Variants in TTN observed in about 807,000 individuals in gnomAD.
TTN encodes the protein titin.
In TTN, 1,525 loss-of-function variants were observed where a neutral mutation model predicts 3,223.0. The ratio of observed to expected loss-of-function variants is 0.47; its 90% CI spans 0.45 to 0.49. The LOEUF (loss-of-function observed/expected upper bound fraction) is 0.49, where lower values mean the gene tolerates loss of function less well. Ranked by LOEUF, TTN falls within the 20% of genes least tolerant of loss-of-function variation. The probability of loss-of-function intolerance (pLI) is 0.00; values close to 1 mark genes in which losing one functional copy is unlikely to be tolerated. For synonymous variants in TTN, 14,094 were observed against 15,161.0 expected (o/e 0.93, Z 5.17); for missense variants, 40,786 against 43,424.0 (o/e 0.94, Z 5.40).
At chr2:178,755,945 C>T (rs147103268) in intron 46 of TTN, among the ~76,000 whole-genome samples, 6 of 152,198 alleles carry the variant, frequency 3.9e-5, no homozygotes, top group Admixed American at 1.3e-4. Context: ...CTTGGTAGTG[C>T]GTTGGTAAAT....
chr2:178,652,826 G>C, intron 200 of TTN, 22 bp downstream of exon 200: 2 of 1,609,262 alleles, frequency 1.2e-6, no homozygotes, highest in Non-Finnish European at 1.7e-6. Context: ...ATCTTCTGAA[G>C]CCTAAAGCCA....
intron 321 of TTN, among the ~76,000 whole-genome samples, 163 bp downstream of exon 321, chr2:178,578,448 G>C (rs1190439192): frequency 6.6e-6 from 1 of 151,714 alleles, no homozygotes; most frequent in Non-Finnish European, 1.5e-5. Flanking sequence ...ATTACATTAG[G>C]ATATTTTCAA....
chr2:178,553,154 T>A lies in TTN; in HGVS notation c.89746A>T (p.Asn29916Tyr), dbSNP rs1308602245. The A allele has an allele frequency of 4.3e-6, 7 of 1,613,328 alleles. No homozygotes were observed. Among genetic ancestry groups the A allele is most frequent in the Non-Finnish European group, 5.9e-6 (7 of 1,179,356 alleles). Residue 29916 changes from asparagine to tyrosine, a missense_variant, in exon 335 of 363, where the codon AAT becomes TAT. Coordinates refer to ENST00000589042, the MANE Select transcript of TTN (RefSeq NM_001267550.2). ...DTGKYILTIE[N>Y]GVGEPKSSTV... Reference sequence around the variant, plus strand: ...GAAGACTTAGGTTCACCAACTCCATTTTCTATTGTGAGAATATATTTTCCT... The same window carrying A: ...GAAGACTTAGGTTCACCAACTCCATATTCTATTGTGAGAATATATTTTCCT...
intron 47 of TTN, among the ~76,000 whole-genome samples, chr2:178,752,250 T>G (rs1185448506): frequency 6.6e-6 from 1 of 152,046 alleles, no homozygotes; most frequent in Non-Finnish European, 1.5e-5. Flanking sequence ...TGTCTGGTCT[T>G]TTCTTCAAAC....
intron 250 of TTN, 123 bp from the exon 251 acceptor site, chr2:178,618,976 T>C (rs2057826154): frequency 1.5e-6 from 2 of 1,343,260 alleles, no homozygotes; most frequent in Admixed American, 2.8e-5. Flanking sequence ...ACAGTAACTT[T>C]ATAGCAGAGA....
rs985842925 is a variant in TTN, at chr2:178,574,872, C to G, written c.71260G>C (p.Asp23754His). 4 of 1,612,838 alleles carry G rather than the reference C, an allele frequency of 2.5e-6. No homozygotes were observed. Among genetic ancestry groups the G allele is most frequent in the Non-Finnish European group, 3.4e-6 (4 of 1,179,518 alleles). The part of the protein sequence containing the change: ...VTFSWDPPEN[D>H]GGVPISNYVV... ...TAGTTGCTTATTGGTACACCACCATCGTTCTCAGGTGGGTCCCAAGAGAAG... is the reference window on the plus strand; with the variant it reads ...TAGTTGCTTATTGGTACACCACCATGGTTCTCAGGTGGGTCCCAAGAGAAG... Residue 23754 changes from aspartate to histidine, a missense_variant, in exon 326 of 363, where the codon GAT becomes CAT. By Grantham distance (81) the Asp-to-His change is moderately conservative. Coordinates refer to ENST00000589042, the MANE Select transcript of TTN (RefSeq NM_001267550.2).
At chr2:178,771,032 G>A (rs1008228004) in intron 34 of TTN, among the ~76,000 whole-genome samples, 179 bp downstream of exon 34, 2 of 152,070 alleles carry the variant, frequency 1.3e-5, no homozygotes, top group African/African-American at 4.8e-5. Flanking sequence ...TTGCATAAAC[G>A]CATTTGATAA....
intron 26 of TTN, 29 bp downstream of exon 26, chr2:178,777,391 T>C (rs576124040): frequency 6.2e-6 from 10 of 1,611,282 alleles, no homozygotes; most frequent in Non-Finnish European, 8.5e-6. Flanking sequence ...ATAAGAAAAT[T>C]CATTTATTTT....
intron 349 of TTN, chr2:178,542,047 GAT>G: frequency 2.3e-6 from 1 of 438,510 alleles, no homozygotes; most frequent in African/African-American, 2.0e-5. Context: ...TAAGAGTGAA[GAT>G]ATTAAAAAAA....
chr2:178,575,440 G>A lies in TTN; in HGVS notation c.70692C>T (p.Ile23564=). 1.2e-6 allele frequency: 2 copies of A among 1,613,620 alleles called. No individual in the cohort carries two copies. Among genetic ancestry groups the A allele is most frequent in the Non-Finnish European group, 1.7e-6 (2 of 1,179,644 alleles). ...PKPKHDGGSK[I]TGYVIEAQRK... ...TTTGGGCTTCAATCACATAGCCAGT[G>A]ATCTTGCTGCCACCATCGTGTTTGG... The change falls in exon 326 of 363, where the codon ATC becomes ATT. Residue 23564 remains isoleucine (I), a synonymous_variant. Transcript: ENST00000589042. The surrounding 1 kb of genome is among the most constrained non-coding windows in gnomAD (Gnocchi z 4.0).
chr2:178,667,728 A>G lies in TTN; in HGVS notation c.35546-7T>C, dbSNP rs373819091. On this transcript the variant is annotated splice_polypyrimidine_tract_variant and splice_region_variant and intron_variant, in intron 159 of 362. Coordinates refer to ENST00000589042, the MANE Select transcript of TTN (RefSeq NM_001267550.2). ...TCTTCAGATGCTTCATAAACTTTAA[A>G]GATATTAGTATTTAAATAATTAGGA... The G allele has an allele frequency of 1.8e-5, 27 of 1,541,190 alleles. No individual in the cohort carries two copies. The highest frequency in any genetic ancestry group is 2.0e-5 in the Non-Finnish European group (23 of 1,137,242).
chr2:178,530,245 C>A lies in TTN; in HGVS notation c.106370G>T (p.Gly35457Val). Residue 35457 changes from glycine to valine, a missense_variant, in exon 358 of 363, where the codon GGA (glycine) becomes GTA (valine). Transcript: ENST00000589042. The stretch of plus-strand genomic sequence containing the variant: ...AGACATTTAAGAACTGGTTACCTTT[C>A]CATCTTTTGTCCAGATGGCAGTTGG... ...PRPTAIWTKD[G>V]KAITQGGKYK... The A allele has an allele frequency of 6.3e-7, 1 of 1,593,742 alleles. No homozygotes were observed. Among genetic ancestry groups the A allele is most frequent in the Non-Finnish European group, 8.5e-7 (1 of 1,170,638 alleles).
At position 178,612,119 on chromosome 2, in the gene TTN, T is replaced by C. The variant is rs780780686; in HGVS notation, c.50292A>G (p.Thr16764=). Residue 16764 remains threonine, a synonymous_variant, in exon 267 of 363, where the codon ACA becomes ACG. Coordinates refer to ENST00000589042, the MANE Select transcript of TTN (RefSeq NM_001267550.2). ...CCCACTTTAGGTCAACATGTCGTTT[T>C]GTCACATCAACCACTGCCAGGGCGT... ...PPYALAVVDV[T]KRHVDLKWEP... is the part of the protein sequence containing the mutation. The C allele has an allele frequency of 6.2e-7, 1 of 1,611,978 alleles. No individual in the cohort carries two copies. The highest frequency in any genetic ancestry group is 8.5e-7 in the Non-Finnish European group (1 of 1,179,006).
In TTN at chr2:178,722,106, G is replaced by A; in HGVS notation, c.22557C>T (p.Ile7519=). The change falls in exon 78 of 363, where the codon ATC becomes ATT. Residue 7519 remains isoleucine, a synonymous_variant. Coordinates refer to ENST00000589042, the MANE Select transcript of TTN (RefSeq NM_001267550.2). ...REPKKSPFFD[I]KPVSIDVIAG... Reference sequence around the variant, plus strand: ...CAATAACATCTATAGATACAGGCTTGATGTCAAAGAAGGGAGATTTCTTGG... The same window carrying A: ...CAATAACATCTATAGATACAGGCTTAATGTCAAAGAAGGGAGATTTCTTGG... The A allele has an allele frequency of 6.3e-7, 1 of 1,577,278 alleles. No individual in the cohort carries two copies.
At chr2:178,544,717 G>A (rs1351521350) in intron 344 of TTN, among the ~76,000 whole-genome samples, 2 of 152,100 alleles carry the variant, frequency 1.3e-5, no homozygotes, top group Non-Finnish European at 1.5e-5. Context: ...AATTGCTTTA[G>A]GAAAGTAGAT....
rs1250159193 is a variant in TTN, at chr2:178,575,822, C to T, written c.70310G>A (p.Gly23437Asp). The T allele has an allele frequency of 6.2e-7, 1 of 1,613,398 alleles. No individual in the cohort carries two copies. Among genetic ancestry groups the T allele is most frequent in the South Asian group, 1.1e-5 (1 of 91,068 alleles). ...TGTAGGCCGCAGGTTGAGGACTGGG[C>T]CTGGCGTGTCCAAGACTCTGACGTT... ...FVNVRVLDTPGPVLNLRPTDI... is the reference protein window; with the variant it reads ...FVNVRVLDTPDPVLNLRPTDI... The change falls in exon 326 of 363, where the codon GGC (glycine) becomes GAC (aspartate). Residue 23437 changes from glycine (G) to aspartate (D), a missense_variant. Physicochemically the swap from Gly to Asp is moderately conservative, Grantham distance 94. Coordinates refer to ENST00000589042, the MANE Select transcript of TTN (RefSeq NM_001267550.2). The surrounding 1 kb of genome is among the most constrained non-coding windows in gnomAD (Gnocchi z 4.0).
rs1405551405 is a variant in TTN, at chr2:178,799,871, A to T, written c.623T>A (p.Val208Asp). Residue 208 changes from valine to aspartate, a missense_variant, in exon 5 of 363, where the codon GTT (valine) becomes GAT (aspartate). Physicochemically the swap from Val to Asp is radical, Grantham distance 152 (BLOSUM62 -3). Coordinates refer to ENST00000589042, the MANE Select transcript of TTN (RefSeq NM_001267550.2). ...EVPAKKTKTI[V>D]STAQISESRQ... Reference sequence around the variant, plus strand: ...TGATTCTGAGATCTGAGCAGTCGAAACAATTGTCTTTGTCTTTTTAGCAGG... The same window carrying T: ...TGATTCTGAGATCTGAGCAGTCGAATCAATTGTCTTTGTCTTTTTAGCAGG... The T allele has an allele frequency of 6.2e-7, 1 of 1,614,162 alleles. No individual in the cohort carries two copies. Among genetic ancestry groups the T allele is most frequent in the South Asian group, 1.1e-5 (1 of 91,078 alleles).
chr2:178,689,690 T>C (rs1432888473), intron 122 of TTN, 95 bp from the exon 123 acceptor site: 2 of 1,436,094 alleles, frequency 1.4e-6, no homozygotes, highest in Non-Finnish European at 1.9e-6. Context: ...ACAGACACTT[T>C]TGTTCAGTTC....
chr2:178,688,076 C>A, intron 127 of TTN, 35 bp downstream of exon 127: 1 of 1,580,918 alleles, frequency 6.3e-7, no homozygotes, highest in Admixed American at 1.7e-5. Flanking sequence ...CTCATCAAAA[C>A]CCCAGATCAT....
Sources: gnomAD v4.1 joint callset for allele counts (sites outside exome capture counted in the v4.1 genomes callset) on GRCh38, gnomAD v4.1.1 for gene constraint, Gnocchi (gnomAD v3.1) non-coding constraint, MANE v1.5 for transcripts, NCBI Gene and HGNC (gene_info 2026-07-23, HGNC 2026-07-21) for gene names.